The following CLSTN2 variants were observed in gnomAD, a reference collection of about 807,000 sequenced individuals.
CLSTN2 encodes the protein calsyntenin-2.
A neutral mutation model predicts 101.2 loss-of-function variants in CLSTN2; 48 were observed. That is an observed-to-expected ratio of 0.47 (90% confidence interval 0.38 to 0.60). CLSTN2 has a LOEUF of 0.60. Ranked by LOEUF, CLSTN2 falls within the 20% of genes least tolerant of loss-of-function variation. CLSTN2 has a pLI of 0.00. For synonymous variants in CLSTN2, 481 were observed against 463.6 expected (o/e 1.04, Z -0.48); for missense variants, 1,160 against 1,238.2 (o/e 0.94, Z 0.95).
chr3:140,181,879 T>G (rs1258239214), intron 2 of CLSTN2, among the ~76,000 whole-genome samples: 2 of 152,212 alleles, frequency 1.3e-5, no homozygotes, highest in Non-Finnish European at 2.9e-5. Flanking sequence ...AGTTCCATAC[T>G]CTCAGACTCC....
intron 1 of CLSTN2, among the ~76,000 whole-genome samples, chr3:140,104,984 TAAAAAAAC>T (rs1288650552): frequency 6.6e-6 from 1 of 151,870 alleles, no homozygotes; most frequent in African/African-American, 2.4e-5. Flanking sequence ...GTCTCAAAAA[TAAAAAAAC>T]AAAAGGTAAA....
Position 140,532,372 on chromosome 3 carries a change from G to A in CLSTN2, c.1393G>A (p.Val465Met), listed in dbSNP as rs1170890100. 1 of 1,612,962 alleles carries A rather than the reference G, an allele frequency of 6.2e-7. No homozygotes were observed. Among genetic ancestry groups the A allele is most frequent in the African/African-American group, 1.3e-5 (1 of 74,914 alleles). The change falls in exon 9 of 17, where the codon GTG (valine) becomes ATG (methionine). Residue 465 changes from valine (V) to methionine (M), a missense_variant. By Grantham distance (21) the Val-to-Met change is conservative. Coordinates refer to ENST00000458420, the MANE Select transcript of CLSTN2 (RefSeq NM_022131.3). ...CTATGTCATCAATGTGGAGTTTCCT[G>A]TGGTAACCTTATACATGGATGGAGC... ...HYYVINVEFP[V>M]VTLYMDGATY...
chr3:140,062,260 T>C (rs966980354), intron 1 of CLSTN2, among the ~76,000 whole-genome samples: 3 of 152,124 alleles, frequency 2.0e-5, no homozygotes, highest in African/African-American at 4.8e-5. Flanking sequence ...TGGTTCCAAG[T>C]TTTCAATCTC....
intron 9 of CLSTN2, among the ~76,000 whole-genome samples, chr3:140,533,755 C>T (rs905563444): frequency 1.3e-5 from 2 of 148,906 alleles, no homozygotes; most frequent in African/African-American, 5.0e-5. Context: ...AGAAGACCAA[C>T]TGACCCATGA....
intron 2 of CLSTN2, among the ~76,000 whole-genome samples, chr3:140,186,383 G>A (rs574154653): frequency 1.1e-4 from 17 of 152,272 alleles, no homozygotes; most frequent in African/African-American, 3.4e-4. Context: ...AAGGTTAATG[G>A]TTTTACTTTA....
intron 2 of CLSTN2, among the ~76,000 whole-genome samples, chr3:140,232,571 C>A (rs60014861): frequency 0.039 from 5,927 of 152,144 alleles, 359 homozygotes; most frequent in African/African-American, 0.13. Flanking sequence ...AACCTCCTGC[C>A]CAGATCTCCC....
intron 1 of CLSTN2, among the ~76,000 whole-genome samples, chr3:140,023,233 T>A (rs1049699269): frequency 6.6e-6 from 1 of 152,156 alleles, no homozygotes; most frequent in Non-Finnish European, 1.5e-5. Flanking sequence ...AGAGGCCATG[T>A]AGAGGGTGGC....
chr3:140,218,505 A>G (rs1007051193), intron 2 of CLSTN2, among the ~76,000 whole-genome samples: 13 of 152,200 alleles, frequency 8.5e-5, no homozygotes, highest in Non-Finnish European at 1.3e-4. Flanking sequence ...CACCCAGTCA[A>G]TCATGGCTTT....
At chr3:140,324,555 C>G (rs943487769) in intron 2 of CLSTN2, among the ~76,000 whole-genome samples, 2 of 152,054 alleles carry the variant, frequency 1.3e-5, no homozygotes, top group African/African-American at 4.8e-5. Context: ...TTGTGGAAAC[C>G]TGATGAATTG....
intron 2 of CLSTN2, among the ~76,000 whole-genome samples, chr3:140,243,229 A>G (rs1030745920): frequency 1.5e-4 from 23 of 152,216 alleles, no homozygotes; most frequent in Non-Finnish European, 3.1e-4. Context: ...GTTAATGGAA[A>G]GGGACAGAAA....
intron 1 of CLSTN2, among the ~76,000 whole-genome samples, chr3:139,991,137 C>T (rs1320931631): frequency 6.6e-6 from 1 of 152,068 alleles, no homozygotes; most frequent in African/African-American, 2.4e-5. Context: ...AATACAGGTG[C>T]TGTGTTGATG....
chr3:140,172,744 T>C (rs2010259364), intron 1 of CLSTN2, among the ~76,000 whole-genome samples: 1 of 152,184 alleles, frequency 6.6e-6, no homozygotes, highest in Non-Finnish European at 1.5e-5. Context: ...CTTACATGCA[T>C]GGCAACAGGC....
chr3:140,235,430 A>G (rs2086408624), intron 2 of CLSTN2, among the ~76,000 whole-genome samples: 1 of 152,194 alleles, frequency 6.6e-6, no homozygotes, highest in Non-Finnish European at 1.5e-5. Flanking sequence ...TTGAAGCAGA[A>G]GTGGTCTGTG....
chr3:140,201,716 C>T (rs2010719393), intron 2 of CLSTN2, among the ~76,000 whole-genome samples: 1 of 152,058 alleles, frequency 6.6e-6, no homozygotes, highest in Admixed American at 6.6e-5. Flanking sequence ...TGTTCTCTGC[C>T]TTGGTGAAGC....
chr3:140,176,658 G>C (rs1248093027), intron 2 of CLSTN2, among the ~76,000 whole-genome samples: 1 of 152,214 alleles, frequency 6.6e-6, no homozygotes, highest in Non-Finnish European at 1.5e-5. Flanking sequence ...GACCCTCTTC[G>C]AGGGGTAGGC....
chr3:140,212,333 A>T (rs1391226997), intron 2 of CLSTN2, among the ~76,000 whole-genome samples: 1 of 152,256 alleles, frequency 6.6e-6, no homozygotes, highest in Non-Finnish European at 1.5e-5. Context: ...GGCAGCCATC[A>T]GTGTCCTGTG....
In CLSTN2 at chr3:140,490,876, G is replaced by A. The variant is rs117639696; in HGVS notation, c.1344+24145G>A. On this transcript the variant is annotated intron_variant, in intron 8 of 16. Transcript: ENST00000458420. ...ATTCATGTGAATGGCTGATAAGAGC[G>A]GCCAAGCCAGTGAGACTTTCTCACT... 2.0e-4 allele frequency among the ~76,000 whole-genome samples: 30 copies of A among 152,214 alleles called. No individual in the cohort carries two copies. In the East Asian group the frequency reaches 4.5e-3, roughly 23 times the overall value.
intron 1 of CLSTN2, among the ~76,000 whole-genome samples, chr3:140,107,861 C>A (rs1200481957): frequency 1.3e-5 from 2 of 152,190 alleles, no homozygotes; most frequent in African/African-American, 2.4e-5. Context: ...CACAAGACTG[C>A]AGAGACATAG....
chr3:140,209,015 C>T (rs906419877), intron 2 of CLSTN2, among the ~76,000 whole-genome samples: 1 of 152,148 alleles, frequency 6.6e-6, no homozygotes, highest in Non-Finnish European at 1.5e-5. Context: ...GTAGTAACCC[C>T]AAGTGTCCTC....
Sources: allele counts gnomAD v4.1 joint callset (sites outside exome capture counted in the v4.1 genomes callset), GRCh38; gene constraint gnomAD v4.1.1; transcripts MANE v1.5; gene names NCBI Gene and HGNC (gene_info 2026-07-23, HGNC 2026-07-21).